The following PMPCB variants were observed in gnomAD, a reference collection of about 807,000 sequenced individuals.
The protein encoded by PMPCB is peptidase, mitochondrial processing subunit beta.
In PMPCB, 46 loss-of-function variants were observed where a neutral mutation model predicts 61.5. The ratio of observed to expected loss-of-function variants is 0.75; its 90% CI spans 0.59 to 0.96. The LOEUF (loss-of-function observed/expected upper bound fraction) is 0.96, where lower values mean the gene tolerates loss of function less well. Ranked by LOEUF, PMPCB falls within the 40% of genes least tolerant of loss-of-function variation. The pLI, the probability that PMPCB is intolerant of heterozygous loss-of-function variation, is 0.00. For missense variants in PMPCB, 590 were observed against 602.4 expected (o/e 0.98, Z 0.22); for synonymous variants, 191 against 201.6 (o/e 0.95, Z 0.44).
downstream of PMPCB, among the ~76,000 whole-genome samples, chr7:103,315,090 A>C (rs538746750): frequency 1.3e-5 from 2 of 152,216 alleles, no homozygotes; most frequent in South Asian, 4.1e-4. Flanking sequence ...TTCATGACCC[A>C]GTGATGGGTC....
At chr7:103,347,491 T>G in the PMPCB span, 1 of 482,972 alleles carries the variant, frequency 2.1e-6, no homozygotes, top group Non-Finnish European at 3.8e-6. Context: ...ATGCCAGGCG[T>G]TTTACAAACA....
chr7:103,302,839 G>A (rs1817484365), intron 4 of PMPCB, among the ~76,000 whole-genome samples: 1 of 152,088 alleles, frequency 6.6e-6, no homozygotes. Context: ...CAGGAATTTT[G>A]AGTCCAGTCT....
At chr7:103,316,569 G>T, downstream of PMPCB, 1 of 422,676 alleles carries the variant, frequency 2.4e-6, no homozygotes, top group Admixed American at 4.1e-5. Context: ...GACAGAGTAA[G>T]CCAACATAAA....
intron 12 of PMPCB, chr7:103,320,760 C>CACATATATATATATATATATATAT (rs1563459852): frequency 3.4e-5 from 3 of 89,282 alleles, no homozygotes; most frequent in African/African-American, 1.9e-4. Context: ...TATATATATA[C>CACATATATATATATATATATATAT]ACATATATAT....
intron 1 of PMPCB, among the ~76,000 whole-genome samples, 183 bp from the exon 2 acceptor site, chr7:103,298,385 G>A (rs1817352227): frequency 6.6e-6 from 1 of 152,126 alleles, no homozygotes; most frequent in Non-Finnish European, 1.5e-5. Flanking sequence ...GCTGGCTTTA[G>A]GACAGTGGCT....
At chr7:103,327,900 T>C in intron 12 of PMPCB, 1 of 550,908 alleles carries the variant, frequency 1.8e-6, no homozygotes, top group Non-Finnish European at 3.2e-6. Flanking sequence ...AATGTGAAAA[T>C]TATAGAGAAA....
At chr7:103,327,491 C>A in intron 12 of PMPCB, 2 of 681,496 alleles carry the variant, frequency 2.9e-6, no homozygotes, top group Admixed American at 2.7e-5. Flanking sequence ...CACTTTGTGT[C>A]GTGAGGCTCT....
intron 9 of PMPCB, chr7:103,311,396 A>G (rs755520300): frequency 2.7e-5 from 14 of 522,670 alleles, no homozygotes; most frequent in Non-Finnish European, 4.4e-5. Context: ...TGCTTATAGC[A>G]TTTCTGAAAA....
the PMPCB span, among the ~76,000 whole-genome samples, chr7:103,345,955 A>C: frequency 6.6e-6 from 1 of 151,922 alleles, no homozygotes. Flanking sequence ...AAAAAAAAAA[A>C]ATTGAACTAA....
intron 4 of PMPCB, among the ~76,000 whole-genome samples, chr7:103,302,989 A>G (rs1317643303): frequency 6.6e-6 from 1 of 152,102 alleles, no homozygotes; most frequent in Non-Finnish European, 1.5e-5. Context: ...AATGAAGCAC[A>G]GTTTTTTTTT....
chr7:103,325,242 G>C (rs1476889820), intron 12 of PMPCB, among the ~76,000 whole-genome samples: 1 of 152,154 alleles, frequency 6.6e-6, no homozygotes, highest in Non-Finnish European at 1.5e-5. Flanking sequence ...CCAGGAGTTT[G>C]AGACCAGTCT....
chr7:103,341,929 A>T, the PMPCB span: 3 of 1,606,590 alleles, frequency 1.9e-6, no homozygotes, highest in Non-Finnish European at 2.5e-6. Flanking sequence ...ATCTTCCCAC[A>T]GGTTCAACTT....
At chr7:103,298,487 G>T in intron 1 of PMPCB, 81 bp from the exon 2 acceptor site, 4 of 1,345,400 alleles carry the variant, frequency 3.0e-6, no homozygotes, top group South Asian at 1.3e-5. Context: ...ATTTAAAATA[G>T]ATTTGGTTTT....
At chr7:103,322,933 AT>A (rs375301640) in intron 12 of PMPCB, 52,987 of 541,570 alleles carry the variant, frequency 0.098, 5 homozygotes, top group South Asian at 0.13. Context: ...TTAAACAATG[AT>A]TTTTTTTTTT....
At position 103,314,620 on chromosome 7, in the gene PMPCB, T is replaced by G. The variant is rs1256753299; in HGVS notation, c.*2349T>G. On this transcript the variant is annotated 3_prime_UTR_variant, in exon 13 of 13. Coordinates refer to ENST00000249269, the MANE Select transcript of PMPCB (RefSeq NM_004279.3). The stretch of plus-strand genomic sequence containing the variant: ...AAACTCCTTTATAAAGAAGTGTCTT[T>G]CAGGTGTTCTGAAACCCTGCCTTGT... 2 of 985,332 alleles carry G rather than the reference T, an allele frequency of 2.0e-6. No homozygotes were observed. Among genetic ancestry groups the G allele is most frequent in the South Asian group, 4.7e-5 (1 of 21,288 alleles). 61.0% of individuals were successfully genotyped at this position (985,332 alleles called of 1,614,324 possible).
At chr7:103,304,361 A>AT (rs745727586) in intron 5 of PMPCB, 50 bp from the exon 6 acceptor site, 2 of 1,032,656 alleles carry the variant, frequency 1.9e-6, no homozygotes, top group Non-Finnish European at 1.5e-6. Flanking sequence ...TTATGTGAAG[A>AT]TCTGTTTTTT....
chr7:103,312,842 A>C lies in PMPCB; in HGVS notation c.*571A>C, dbSNP rs921610864. On this transcript the variant is annotated 3_prime_UTR_variant, in exon 13 of 13. Coordinates refer to ENST00000249269, the MANE Select transcript of PMPCB (RefSeq NM_004279.3). ...ATTGACCCCATAACTACTGGTTTTG[A>C]AATAAGCACTATATTATTAACCACT... 4.6e-6 allele frequency: 7 copies of C among 1,525,594 alleles called. No homozygotes were observed. Among genetic ancestry groups the C allele is most frequent in the Non-Finnish European group, 6.1e-6 (7 of 1,143,096 alleles). 94.5% of individuals were successfully genotyped at this position (1,525,594 alleles called of 1,614,324 possible). A position where few individuals can be genotyped will look rare whatever the true frequency, so the allele number is the denominator to read the frequency against.
chr7:103,319,590 T>G (rs1818269222), downstream of PMPCB: 2 of 1,611,636 alleles, frequency 1.2e-6, no homozygotes, highest in African/African-American at 2.7e-5. Context: ...TAGGTAGGAG[T>G]GATGTGTTCC....
rs371871005 is a variant in PMPCB, at chr7:103,321,849, AAAAC to A, written c.*1432-7070_*1432-7067del. On this transcript the variant is annotated intron_variant and NMD_transcript_variant, in intron 12 of 12. Coordinates refer to the PMPCB transcript ENST00000444457. ...GGCGACAGAGCGAGACCCCATCTAA[AAAAC>A]AAACAAACAAAAAGAAGTATTTTTG... is the stretch of plus-strand genomic sequence containing the variant. 6.7e-4 allele frequency: 1,008 copies of A among 1,497,072 alleles called. 3 individuals carry two copies. In the African/African-American group the frequency reaches 8.3e-3, roughly 12 times the overall value. 92.7% of individuals were successfully genotyped at this position (1,497,072 alleles called of 1,614,324 possible).
Sources: allele counts gnomAD v4.1 joint callset (sites outside exome capture counted in the v4.1 genomes callset), GRCh38; gene constraint gnomAD v4.1.1; transcripts MANE v1.5; gene names NCBI Gene and HGNC (gene_info 2026-07-23, HGNC 2026-07-21).